The following KRT71 variants were observed in gnomAD, a reference collection of about 807,000 sequenced individuals.
KRT71 encodes the protein keratin 71, also known as keratin, type II cytoskeletal 71.
KRT71 carries 42 observed loss-of-function variants against 46.2 expected under a neutral mutation model. The ratio of observed to expected loss-of-function variants is 0.91; its 90% confidence interval spans 0.71 to 1.18. The LOEUF (loss-of-function observed/expected upper bound fraction) is 1.18, where lower values mean the gene tolerates loss of function less well. KRT71 is among the 50% of genes most tolerant of loss of function. KRT71 has a pLI of 0.00. For synonymous variants in KRT71, 292 were observed against 277.8 expected (o/e 1.05, Z -0.51); for missense variants, 708 against 677.9 (o/e 1.04, Z -0.49).
Position 52,547,916 on chromosome 12 carries a change from A to C in KRT71, c.1045T>G (p.Ser349Ala), listed in dbSNP as rs755139338. 1.1e-5 allele frequency: 17 copies of C among 1,614,016 alleles called. No individual in the cohort carries two copies. In the African/African-American group the frequency reaches 2.0e-4, roughly 19 times the overall value. Residue 349 changes from serine to alanine, a missense_variant, in exon 6 of 9, where the codon TCG becomes GCG. Physicochemically the swap from Ser to Ala is moderately conservative, Grantham distance 99. Coordinates refer to ENST00000267119, the MANE Select transcript of KRT71 (RefSeq NM_033448.3). ...CTCTGGATGAGCCGAGTGAGCTCCG[A>C]GATTTCATTCTTGGTGTTTTTGAGG... ...DDLKNTKNEI[S>A]ELTRLIQRIR...
rs747948808 is a variant in KRT71, at chr12:52,548,252, C to T, written c.878G>A (p.Arg293Gln). The T allele has an allele frequency of 3.0e-5, 48 of 1,614,056 alleles. No individual in the cohort carries two copies. The highest frequency in any genetic ancestry group is 6.7e-5 in the African/African-American group (5 of 74,924). Residue 293 changes from arginine to glutamine, a missense_variant, in exon 5 of 9, where the codon CGG becomes CAG. Transcript: ENST00000267119. ...AATGATGCTGTCCAGGTCTAGGTTCCGGTTGTTGTCCATGGACAGGATGAC... is the reference window on the plus strand; with the variant it reads ...AATGATGCTGTCCAGGTCTAGGTTCTGGTTGTTGTCCATGGACAGGATGAC... ...MSVILSMDNNRNLDLDSIIDE... is the reference protein window; with the variant it reads ...MSVILSMDNNQNLDLDSIIDE...
At chr12:52,545,633 A>T in intron 7 of KRT71, 34 bp from the exon 8 acceptor site, 1 of 1,353,490 alleles carries the variant, frequency 7.4e-7, no homozygotes, top group Non-Finnish European at 1.1e-6. Context: ...AGAGGAGAAG[A>T]GAAGTCATCC....
At chr12:52,544,863 T>C in intron 8 of KRT71, 120 bp from the exon 9 acceptor site, 1 of 780,772 alleles carries the variant, frequency 1.3e-6, no homozygotes, top group Non-Finnish European at 2.1e-6. Flanking sequence ...ACCCGCTCCC[T>C]CTCCCTGGGG....
chr12:52,552,310 G>T (rs927556517), intron 1 of KRT71, among the ~76,000 whole-genome samples: 1 of 152,258 alleles, frequency 6.6e-6, no homozygotes, highest in Admixed American at 6.5e-5. Context: ...TACTCTGGGC[G>T]AGACTGGCTC....
chr12:52,548,700 C>T lies in KRT71; in HGVS notation c.813+1G>A, dbSNP rs781094282. On this transcript the variant is annotated splice_donor_variant, in intron 4 of 8. Transcript: ENST00000267119. LOFTEE classifies it high-confidence loss of function. ...TGAACCAAGTGGGCAGACAGACTTACGGCTTCAAAGAGACACCTGAAGAAC... is the reference window on the plus strand; with the variant it reads ...TGAACCAAGTGGGCAGACAGACTTATGGCTTCAAAGAGACACCTGAAGAAC... The T allele has an allele frequency of 1.5e-5, 25 of 1,613,462 alleles. No homozygotes were observed. The highest frequency in any genetic ancestry group is 1.4e-4 in the South Asian group (13 of 91,076).
rs189425741 is a variant in KRT71 at position 52,548,353 on chromosome 12, G to A, written c.814-37C>T. On this transcript the variant is annotated intron_variant, in intron 4 of 8. Transcript: ENST00000267119. ...ACAGAAATGGTCTCTCGGCTCAACT[G>A]CTGTCGGAAGCCAACCACCACCCCC... 1.6e-4 allele frequency: 257 copies of A among 1,571,210 alleles called. No homozygotes were observed. The African/African-American group carries it at 3.2e-3, about 19-fold the overall frequency.
Position 52,552,928 on chromosome 12 carries a change from G to T in KRT71, c.150C>A (p.Ser50Arg), listed in dbSNP as rs1041089300. 2 of 1,614,168 alleles carry T rather than the reference G, an allele frequency of 1.2e-6. No individual in the cohort carries two copies. Among genetic ancestry groups the T allele is most frequent in the South Asian group, 2.2e-5 (2 of 91,084 alleles). ...CATTGAGGCTCCGGACACCCCCCAGGCTGTAGAGGCTCCGGCTGCCAAAGC... is the reference window on the plus strand; with the variant it reads ...CATTGAGGCTCCGGACACCCCCCAGTCTGTAGAGGCTCCGGCTGCCAAAGC... ...SGGFGSRSLYSLGGVRSLNVA... is the reference protein window; with the variant it reads ...SGGFGSRSLYRLGGVRSLNVA... The change falls in exon 1 of 9, where the codon AGC becomes AGA. Residue 50 changes from serine to arginine, a missense_variant. Ser to Arg is a moderately radical substitution (Grantham distance 110). Coordinates refer to ENST00000267119, the MANE Select transcript of KRT71 (RefSeq NM_033448.3).
rs200455976 is a variant in KRT71, at chr12:52,552,754, A to G, written c.324T>C (p.Asn108=). The change falls in exon 1 of 9, where the codon AAT becomes AAC. Residue 108 remains asparagine (N), a synonymous_variant. Transcript: ENST00000267119. The stretch of plus-strand genomic sequence containing the variant: ...CGTTGAGGGGGGCCAGGAGGCTCTC[A>G]TTGACGGTAACCTGGTGGATGCCTC... The part of the protein sequence containing the change: ...PPGGIHQVTV[N]ESLLAPLNVE... 1.3e-4 allele frequency: 217 copies of G among 1,614,050 alleles called. No individual in the cohort carries two copies. Among genetic ancestry groups the G allele is most frequent in the East Asian group, 8.5e-4 (38 of 44,888 alleles).
chr12:52,549,859 T>C (rs1360624716), intron 2 of KRT71, among the ~76,000 whole-genome samples, 170 bp downstream of exon 2: 2 of 152,148 alleles, frequency 1.3e-5, no homozygotes, highest in Non-Finnish European at 2.9e-5. Flanking sequence ...GGCCAGAGGC[T>C]GGAGGAGCAG....
In KRT71 at chr12:52,553,018, G is replaced by A; in HGVS notation, c.60C>T (p.Cys20=). Residue 20 remains cysteine, a synonymous_variant, in exon 1 of 9, where the codon TGC becomes TGT. Transcript: ENST00000267119. ...AGCTGCCCCCTGAGAGCACAGCTGA[G>A]CAGCCACTGAAGCCCCCCTTGGCGG... is the stretch of plus-strand genomic sequence containing the variant. ...GAAAKGGFSG[C]SAVLSGGSSS... The A allele has an allele frequency of 6.2e-7, 1 of 1,609,720 alleles. No individual in the cohort carries two copies. The highest frequency in any genetic ancestry group is 8.5e-7 in the Non-Finnish European group (1 of 1,177,492).
At chr12:52,552,071 G>C (rs1223442453) in intron 1 of KRT71, among the ~76,000 whole-genome samples, 1 of 152,200 alleles carries the variant, frequency 6.6e-6, no homozygotes, top group African/African-American at 2.4e-5. Flanking sequence ...ACACAGACAG[G>C]CAGATCACCT....
rs777618005 is a variant in KRT71, at chr12:52,548,308, A to G, written c.822T>C (p.Thr274=). The G allele has an allele frequency of 4.3e-6, 7 of 1,611,336 alleles. No homozygotes were observed. Among genetic ancestry groups the G allele is most frequent in the Non-Finnish European group, 5.9e-6 (7 of 1,178,518 alleles). The part of the protein sequence containing the change: ...FFRCLFEAEI[T]QIQSHISDMS... ...TGTCACTGATGTGGGACTGGATCTG[A>G]GTGATCTCCTGCAGGGGACACAGAA... The change falls in exon 5 of 9, where the codon ACT becomes ACC. Residue 274 remains threonine (T), a synonymous_variant. Coordinates refer to ENST00000267119, the MANE Select transcript of KRT71 (RefSeq NM_033448.3).
At chr12:52,548,636 G>C in intron 4 of KRT71, 65 bp downstream of exon 4, 1 of 1,407,320 alleles carries the variant, frequency 7.1e-7, no homozygotes, top group Non-Finnish European at 1.0e-6. Context: ...GTCTCCTGCA[G>C]CCCCTAGAAT....
In KRT71 at chr12:52,548,311, GATC is replaced by G; in HGVS notation, c.816_818del (p.Glu272_Ile273delinsAsp). ...CACTGATGTGGGACTGGATCTGAGT[GATC>G]TCCTGCAGGGGACACAGAAATGGTC... On this transcript the variant is annotated inframe_deletion and splice_region_variant, in exon 5 of 9. Coordinates refer to ENST00000267119, the MANE Select transcript of KRT71 (RefSeq NM_033448.3). The G allele has an allele frequency of 6.2e-7, 1 of 1,610,602 alleles. No individual in the cohort carries two copies. The highest frequency in any genetic ancestry group is 8.5e-7 in the Non-Finnish European group (1 of 1,178,102).
intron 7 of KRT71, 86 bp from the exon 8 acceptor site, chr12:52,545,685 T>G (rs1412311439): frequency 1.2e-6 from 1 of 836,632 alleles, no homozygotes; most frequent in African/African-American, 1.7e-5. Context: ...CAGCCTTATG[T>G]GGGTTTTTGG....
At chr12:52,549,468 G>A (rs1325681410) in intron 2 of KRT71, 115 bp from the exon 3 acceptor site, 22 of 847,522 alleles carry the variant, frequency 2.6e-5, no homozygotes, top group East Asian at 1.2e-4. Context: ...GCTGGGGGCC[G>A]CAGAGTACTG....
In KRT71 at chr12:52,549,468, G is replaced by T. The variant is rs1325681410; in HGVS notation, c.657-115C>A. 7.1e-6 allele frequency: 6 copies of T among 847,406 alleles called. No individual in the cohort carries two copies. In the East Asian group the frequency reaches 1.2e-4, roughly 17 times the overall value. 52.5% of individuals were successfully genotyped at this position (847,406 alleles called of 1,614,324 possible). A position where few individuals can be genotyped will look rare whatever the true frequency, so the allele number is the denominator to read the frequency against. On this transcript the variant is annotated intron_variant, in intron 2 of 8. Transcript: ENST00000267119. Reference sequence around the variant, plus strand: ...TCAGAAGATACAGGTGCTGGGGGCCGCAGAGTACTGGGCAGGGGTAAGTGG... The same window carrying T: ...TCAGAAGATACAGGTGCTGGGGGCCTCAGAGTACTGGGCAGGGGTAAGTGG...
Position 52,553,047 on chromosome 12 carries a change from C to T in KRT71, c.31G>A (p.Ala11Thr), listed in dbSNP as rs771713578. 6.3e-7 allele frequency: 1 copy of T among 1,590,304 alleles called. No individual in the cohort carries two copies. The highest frequency in any genetic ancestry group is 8.6e-7 in the Non-Finnish European group (1 of 1,166,602). Residue 11 changes from alanine to threonine, a missense_variant, in exon 1 of 9, where the codon GCT becomes ACT. By Grantham distance (58) the Ala-to-Thr change is moderately conservative. Transcript: ENST00000267119. ...CCACTGAAGCCCCCCTTGGCGGCAG[C>T]TCCCGACTTGCAGGTGAATTGGCGG... MSRQFTCKSG[A>T]AAKGGFSGCS...
At chr12:52,548,672 A>G (rs1939103277) in intron 4 of KRT71, 29 bp downstream of exon 4, 1 of 1,595,332 alleles carries the variant, frequency 6.3e-7, no homozygotes, top group East Asian at 2.2e-5. Flanking sequence ...AGCCTCCCCT[A>G]GATGAACCAA....
Sources: allele counts gnomAD v4.1 joint callset (sites outside exome capture counted in the v4.1 genomes callset), GRCh38; gene constraint gnomAD v4.1.1; transcripts MANE v1.5; gene names NCBI Gene and HGNC (gene_info 2026-07-23, HGNC 2026-07-21).